The following FOXP2 variants were observed in gnomAD, a reference collection of about 807,000 sequenced individuals.
FOXP2 encodes forkhead box protein P2.
A neutral mutation model predicts 115.8 loss-of-function variants in FOXP2; 12 were observed. The ratio of observed to expected loss-of-function variants is 0.10; its 90% CI spans 0.07 to 0.17. FOXP2 has a LOEUF of 0.17. Among genes scored for constraint, FOXP2 ranks in the 10% least tolerant of loss-of-function variants. The probability of loss-of-function intolerance (pLI) is 1.00; values close to 1 mark genes in which losing one functional copy is unlikely to be tolerated. For synonymous variants in FOXP2, 328 were observed against 297.7 expected, an observed-to-expected ratio of 1.10 and a Z score of -1.05; for missense variants, 629 against 843.5, an observed-to-expected ratio of 0.75 and a Z score of 3.15.
intron 2 of FOXP2, among the ~76,000 whole-genome samples, chr7:114,406,796 C>T (rs1167961623): frequency 6.6e-6 from 1 of 152,020 alleles, no homozygotes; most frequent in Non-Finnish European, 1.5e-5. Flanking sequence ...CTTTCTCCCT[C>T]AGTTCCCGCT....
chr7:114,371,514 T>C (rs185933528), intron 2 of FOXP2, among the ~76,000 whole-genome samples: 149 of 151,926 alleles, frequency 9.8e-4, no homozygotes, highest in African/African-American at 3.4e-3. Flanking sequence ...TGTAGGGACA[T>C]TGTATTTGAT....
rs1213759130 is a variant in FOXP2 at position 114,693,422 on chromosome 7, T to C, written c.*3496T>C. On this transcript the variant is annotated 3_prime_UTR_variant, in exon 17 of 17. Coordinates refer to ENST00000350908, the MANE Select transcript of FOXP2 (RefSeq NM_014491.4). ...ATCCAATATGATATTTTGTAAAGTTTTCAAGTTGGACATTTACATTTTTGA... is the reference window on the plus strand; with the variant it reads ...ATCCAATATGATATTTTGTAAAGTTCTCAAGTTGGACATTTACATTTTTGA... 4.4e-6 allele frequency: 2 copies of C among 453,664 alleles called. No individual in the cohort carries two copies. Among genetic ancestry groups the C allele is most frequent in the South Asian group, 1.6e-5 (1 of 64,414 alleles). 28.1% of individuals were successfully genotyped at this position (453,664 alleles called of 1,614,324 possible). A position where few individuals can be genotyped will look rare whatever the true frequency, so the allele number is the denominator to read the frequency against.
chr7:114,256,272 T>G, intron 1 of FOXP2, among the ~76,000 whole-genome samples: 1 of 152,088 alleles, frequency 6.6e-6, no homozygotes, highest in South Asian at 2.1e-4. Flanking sequence ...CTGGCTAATT[T>G]TTTTGTATTT....
intron 16 of FOXP2, among the ~76,000 whole-genome samples, chr7:114,684,990 G>A (rs2129351957): frequency 6.6e-6 from 1 of 150,876 alleles, no homozygotes; most frequent in South Asian, 2.1e-4. Context: ...TCAGTTGGTT[G>A]ATTTTTTTTT....
Position 114,638,464 on chromosome 7 carries a change from C to T in FOXP2, c.776-3946C>T, listed in dbSNP as rs150521124. On this transcript the variant is annotated intron_variant, in intron 6 of 16. Coordinates refer to ENST00000350908, the MANE Select transcript of FOXP2 (RefSeq NM_014491.4). ...TGCCTCAAGAATAACCTAGATTAAT[C>T]ATTGCAAACCATCAAGCCTTCAAAG... Among the ~76,000 whole-genome samples the T allele has an allele frequency of 4.7e-3, 721 of 152,256 alleles. 1 individual carries two copies. The highest frequency in any genetic ancestry group is 6.4e-3 in the South Asian group (31 of 4,830).
At chr7:114,561,365 G>A (rs547905209) in intron 3 of FOXP2, 1 of 152,012 alleles carries the variant, frequency 6.6e-6, no homozygotes, top group African/African-American at 2.4e-5. Flanking sequence ...GAAAACTACT[G>A]GACAATAGCA....
At chr7:114,353,783 G>C (rs989716174) in intron 2 of FOXP2, among the ~76,000 whole-genome samples, 3 of 151,954 alleles carry the variant, frequency 2.0e-5, no homozygotes, top group Non-Finnish European at 4.4e-5. Flanking sequence ...TTACGATACT[G>C]GTGCATAGCT....
intron 1 of FOXP2, among the ~76,000 whole-genome samples, chr7:114,184,446 T>C (rs1291639764): frequency 6.6e-6 from 1 of 152,132 alleles, no homozygotes. Flanking sequence ...TTTTTAGCTA[T>C]AGGACATTGG....
chr7:114,215,610 A>T (rs1794466804), intron 1 of FOXP2, among the ~76,000 whole-genome samples: 1 of 151,514 alleles, frequency 6.6e-6, no homozygotes, highest in Non-Finnish European at 1.5e-5. Flanking sequence ...CTCCTTACTG[A>T]TGTACCATTA....
At chr7:114,124,789 C>T (rs1238092120) in intron 1 of FOXP2, among the ~76,000 whole-genome samples, 2 of 152,006 alleles carry the variant, frequency 1.3e-5, no homozygotes, top group Non-Finnish European at 2.9e-5. Flanking sequence ...TCTCCATTCC[C>T]TCCATTCCTT....
At chr7:114,573,993 T>C (rs992586659) in intron 3 of FOXP2, among the ~76,000 whole-genome samples, 2 of 151,808 alleles carry the variant, frequency 1.3e-5, no homozygotes, top group Admixed American at 1.3e-4. Flanking sequence ...TTTTCTGGTG[T>C]CTTGGCTTAT....
At chr7:114,363,667 A>G (rs1014470337) in intron 2 of FOXP2, among the ~76,000 whole-genome samples, 4 of 152,092 alleles carry the variant, frequency 2.6e-5, no homozygotes, top group African/African-American at 9.7e-5. Context: ...TTATAGCTAC[A>G]TAATTTTTTT....
intron 2 of FOXP2, among the ~76,000 whole-genome samples, chr7:114,491,729 G>A (rs1359162878): frequency 6.6e-6 from 1 of 152,114 alleles, no homozygotes; most frequent in Non-Finnish European, 1.5e-5. Flanking sequence ...ATTTGCGTAT[G>A]TTGAACCAGC....
intron 1 of FOXP2, among the ~76,000 whole-genome samples, chr7:114,099,778 G>A (rs1331555316): frequency 2.0e-5 from 3 of 152,176 alleles, no homozygotes; most frequent in Admixed American, 6.5e-5. Flanking sequence ...GGGGCTTGGG[G>A]AGGAAATGGG....
intron 2 of FOXP2, among the ~76,000 whole-genome samples, chr7:114,341,175 A>G (rs1168383684): frequency 6.6e-6 from 1 of 151,156 alleles, no homozygotes; most frequent in Admixed American, 6.6e-5. Flanking sequence ...AAATCAAGTA[A>G]TGTCAGGATC....
intron 2 of FOXP2, among the ~76,000 whole-genome samples, chr7:114,353,113 C>T (rs1325614849): frequency 6.6e-6 from 1 of 152,058 alleles, no homozygotes; most frequent in Non-Finnish European, 1.5e-5. Context: ...ATCCTTTAGC[C>T]CCACAAAAAA....
rs530881493 is a variant in FOXP2 at position 114,206,451 on chromosome 7, G to A, written c.-102+43363G>A. On this transcript the variant is annotated intron_variant, in intron 1 of 17. Coordinates refer to the FOXP2 transcript ENST00000634411. ...ACATCCTGAGTCCTCAGCCAGGCAA[G>A]CACACCTCCTCACTTTCTCTGTGAC... Among the ~76,000 whole-genome samples, 8 of 152,176 alleles carry A rather than the reference G, an allele frequency of 5.3e-5. No homozygotes were observed. The East Asian group carries it at 1.2e-3, about 22-fold the overall frequency.
At chr7:114,096,760 G>A (rs1799661792) in intron 1 of FOXP2, among the ~76,000 whole-genome samples, 1 of 152,166 alleles carries the variant, frequency 6.6e-6, no homozygotes, top group Admixed American at 6.5e-5. Context: ...CAAAGTTTAA[G>A]TGCAGTTGCA....
At chr7:114,142,456 A>G (rs574129798) in intron 1 of FOXP2, among the ~76,000 whole-genome samples, 7 of 152,344 alleles carry the variant, frequency 4.6e-5, no homozygotes, top group Non-Finnish European at 8.8e-5. Context: ...TCAAAAATAT[A>G]TAAACTATGA....
Sources: gnomAD v4.1 joint callset for allele counts (sites outside exome capture counted in the v4.1 genomes callset) on GRCh38, gnomAD v4.1.1 for gene constraint, MANE v1.5 for transcripts, NCBI Gene and HGNC (gene_info 2026-07-23, HGNC 2026-07-21) for gene names.